The following GKAP1 variants were observed in gnomAD, a reference collection of about 807,000 sequenced individuals.
The protein encoded by GKAP1 is G kinase-anchoring protein 1.
GKAP1 carries 31 observed loss-of-function variants against 56.7 expected under a neutral mutation model. That is an observed-to-expected ratio of 0.55 (90% confidence interval 0.41 to 0.74). GKAP1 has a LOEUF of 0.74. Ranked by LOEUF, GKAP1 falls within the 30% of genes least tolerant of loss-of-function variation. The probability of loss-of-function intolerance (pLI) is 0.00; values close to 1 mark genes in which losing one functional copy is unlikely to be tolerated. For missense variants in GKAP1, 364 were observed against 402.3 expected (o/e 0.90, Z 0.82); for synonymous variants, 151 against 138.6 (o/e 1.09, Z -0.63).
At chr9:83,788,818 A>G in intron 4 of GKAP1, 140 bp from the exon 5 acceptor site, 1 of 480,280 alleles carries the variant, frequency 2.1e-6, no homozygotes, top group Admixed American at 3.8e-5. Flanking sequence ...TTATCTAACC[A>G]TGCCAAACTA....
chr9:83,760,607 C>T (rs1418559148), intron 8 of GKAP1, among the ~76,000 whole-genome samples: 1 of 152,100 alleles, frequency 6.6e-6, no homozygotes, highest in Non-Finnish European at 1.5e-5. Context: ...AGGATAGACC[C>T]TGTGTTAGGT....
intron 9 of GKAP1, among the ~76,000 whole-genome samples, chr9:83,752,703 G>A (rs1163572931): frequency 1.4e-5 from 2 of 143,998 alleles, no homozygotes; most frequent in Non-Finnish European, 3.2e-5. Flanking sequence ...AAATGGTTAT[G>A]TTATATGTAT....
intron 4 of GKAP1, among the ~76,000 whole-genome samples, chr9:83,790,431 A>G (rs576504869): frequency 6.6e-6 from 1 of 152,306 alleles, no homozygotes; most frequent in African/African-American, 2.4e-5. Context: ...ACCTCATGGC[A>G]AACTGATAAT....
chr9:83,799,946 CAG>C (rs1374135925), intron 3 of GKAP1, among the ~76,000 whole-genome samples: 4 of 152,146 alleles, frequency 2.6e-5, no homozygotes, highest in African/African-American at 9.7e-5. Context: ...GCCTGGGCAA[CAG>C]AGTGAGACCC....
chr9:83,739,854 T>C, intron 12 of GKAP1, 110 bp from the exon 13 acceptor site: 2 of 763,704 alleles, frequency 2.6e-6, no homozygotes, highest in Non-Finnish European at 2.1e-6. Context: ...AAGGAAGCAA[T>C]TTCTTTTTTG....
chr9:83,781,986 G>C (rs544362643), intron 6 of GKAP1, among the ~76,000 whole-genome samples: 1 of 151,912 alleles, frequency 6.6e-6, no homozygotes, highest in East Asian at 1.9e-4. Flanking sequence ...TGGGACTACA[G>C]GCGCGTGCCA....
At chr9:83,804,534 G>GC (rs1222272371) in intron 3 of GKAP1, among the ~76,000 whole-genome samples, 1 of 61,806 alleles carries the variant, frequency 1.6e-5, no homozygotes, top group Non-Finnish European at 3.2e-5. Flanking sequence ...GGGGGGGTCA[G>GC]CCCCCCGCCC....
At chr9:83,739,766 G>T in intron 12 of GKAP1, 22 bp from the exon 13 acceptor site, 1 of 1,485,378 alleles carries the variant, frequency 6.7e-7, no homozygotes, top group Admixed American at 1.7e-5. Context: ...AAAAAAAATA[G>T]GGAAAATTAT....
At chr9:83,769,128 C>G (rs1044617533) in intron 7 of GKAP1, among the ~76,000 whole-genome samples, 158 bp from the exon 8 acceptor site, 1 of 152,200 alleles carries the variant, frequency 6.6e-6, no homozygotes, top group Non-Finnish European at 1.5e-5. Context: ...AGACAATCAA[C>G]GACTTGATCC....
At chr9:83,804,139 G>T (rs1302484932) in intron 3 of GKAP1, among the ~76,000 whole-genome samples, 5 of 129,742 alleles carry the variant, frequency 3.9e-5, no homozygotes, top group Non-Finnish European at 8.1e-5. Context: ...TCAGCCCCCC[G>T]CACGGCCAGC....
intron 9 of GKAP1, among the ~76,000 whole-genome samples, chr9:83,750,631 T>C (rs941132748): frequency 6.6e-6 from 1 of 152,218 alleles, no homozygotes; most frequent in East Asian, 1.9e-4. Flanking sequence ...TTGTTATGTA[T>C]ACATTTTATT....
intron 7 of GKAP1, among the ~76,000 whole-genome samples, chr9:83,778,504 G>A (rs1284051611): frequency 6.6e-6 from 1 of 152,048 alleles, no homozygotes; most frequent in Non-Finnish European, 1.5e-5. Context: ...GAGAACACAT[G>A]GACACATAGA....
intron 10 of GKAP1, among the ~76,000 whole-genome samples, chr9:83,745,976 A>C (rs1943286582): frequency 6.6e-6 from 1 of 152,076 alleles, no homozygotes; most frequent in South Asian, 2.1e-4. Context: ...TTTTTAGTAG[A>C]GATAGGGTTT....
intron 10 of GKAP1, among the ~76,000 whole-genome samples, chr9:83,747,872 A>G (rs1034851308): frequency 6.6e-6 from 1 of 152,126 alleles, no homozygotes; most frequent in Non-Finnish European, 1.5e-5. Context: ...CCTGGCCTCA[A>G]GTGATCTGCC....
rs773716263 is a variant in GKAP1, at chr9:83,741,940, A to G, written c.1053+12T>C. On this transcript the variant is annotated intron_variant, in intron 12 of 12. Coordinates refer to ENST00000376371, the MANE Select transcript of GKAP1 (RefSeq NM_025211.4). ...TTTGTGATAAAAACACTTATAAATTATAAAAGCATACCTGGTATTTGGCTA... is the reference window on the plus strand; with the variant it reads ...TTTGTGATAAAAACACTTATAAATTGTAAAAGCATACCTGGTATTTGGCTA... 2.0e-6 allele frequency: 3 copies of G among 1,479,520 alleles called. No homozygotes were observed. In the Admixed American group the frequency reaches 5.4e-5, roughly 27 times the overall value. The allele number at this position is 1,479,520 out of a possible 1,614,324, so 91.6% of individuals were successfully genotyped here. A position where few individuals can be genotyped will look rare whatever the true frequency, so the allele number is the denominator to read the frequency against.
intron 3 of GKAP1, among the ~76,000 whole-genome samples, chr9:83,802,821 G>C (rs1464487989): frequency 2.0e-5 from 3 of 151,066 alleles, no homozygotes; most frequent in Non-Finnish European, 4.4e-5. Context: ...GAGAGATTCT[G>C]TCTTCTCTTT....
chr9:83,739,509 G>T lies in GKAP1; in HGVS notation c.*188C>A. 1 of 423,868 alleles carries T rather than the reference G, an allele frequency of 2.4e-6. No homozygotes were observed. Among genetic ancestry groups the T allele is most frequent in the Non-Finnish European group, 4.2e-6 (1 of 239,718 alleles). 26.3% of individuals were successfully genotyped at this position (423,868 alleles called of 1,614,324 possible). On this transcript the variant is annotated 3_prime_UTR_variant, in exon 13 of 13. Coordinates refer to ENST00000376371, the MANE Select transcript of GKAP1 (RefSeq NM_025211.4). ...AGTAGACAACCACTGAATTCTGCTG[G>T]AATTCTCTATTTCTTCTTTTTCACT... is the stretch of plus-strand genomic sequence containing the variant.
chr9:83,741,953 TG>T lies in GKAP1; in HGVS notation c.1051del (p.Gln351ArgfsTer22). On this transcript the variant is annotated frameshift_variant and splice_region_variant, in exon 12 of 13. Coordinates refer to ENST00000376371, the MANE Select transcript of GKAP1 (RefSeq NM_025211.4). LOFTEE classifies it high-confidence loss of function. Reference protein sequence around the residue: ...KVLQAELAKYQGGRKGKRNSE... With the variant: ...KVLQAELAKYXGGRKGKRNSE... Reference sequence around the variant, plus strand: ...CACTTATAAATTATAAAAGCATACCTGGTATTTGGCTAACTCTGCTTGTAAT... The same window carrying T: ...CACTTATAAATTATAAAAGCATACCTGTATTTGGCTAACTCTGCTTGTAAT... 1 of 1,550,950 alleles carries T rather than the reference TG, an allele frequency of 6.4e-7. No homozygotes were observed. Among genetic ancestry groups the T allele is most frequent in the Non-Finnish European group, 8.8e-7 (1 of 1,131,190 alleles).
intron 8 of GKAP1, among the ~76,000 whole-genome samples, chr9:83,757,397 T>G (rs1026429016): frequency 3.3e-5 from 5 of 152,208 alleles, no homozygotes; most frequent in Admixed American, 6.5e-5. Context: ...TACAAACACA[T>G]GCACACATAG....
Sources: allele counts gnomAD v4.1 joint callset (sites outside exome capture counted in the v4.1 genomes callset), GRCh38; gene constraint gnomAD v4.1.1; transcripts MANE v1.5; gene names NCBI Gene and HGNC (gene_info 2026-07-23, HGNC 2026-07-21).